The following DNAH6 variants were observed in gnomAD, a reference collection of about 807,000 sequenced individuals.
DNAH6 encodes the protein dynein axonemal heavy chain 6.
Under a neutral mutation model 491.4 loss-of-function variants are expected in DNAH6, and 340 were observed. That is an observed-to-expected ratio of 0.69 (90% CI 0.63 to 0.76). DNAH6 has a LOEUF of 0.76. Ranked by LOEUF, DNAH6 falls within the 30% of genes least tolerant of loss-of-function variation. DNAH6 has a pLI of 0.00. For missense variants in DNAH6, 4,443 were observed against 4,972.2 expected, an observed-to-expected ratio of 0.89 and a Z score of 3.20; for synonymous variants, 1,603 against 1,686.1, an observed-to-expected ratio of 0.95 and a Z score of 1.21.
Position 84,791,819 on chromosome 2 carries a change from G to A in DNAH6, c.11240-4487G>A, listed in dbSNP as rs149424334. On this transcript the variant is annotated intron_variant, in intron 68 of 76. Transcript: ENST00000389394. ...TATCCAGGTGACGATACTTGCTAAT[G>A]GCGAGTTTTTTTAGGCATTCATTTA... 5.6e-3 allele frequency among the ~76,000 whole-genome samples: 846 copies of A among 151,964 alleles called. 4 individuals are homozygous for A. The highest frequency in any genetic ancestry group is 9.7e-3 in the Non-Finnish European group (660 of 67,960).
intron 63 of DNAH6, among the ~76,000 whole-genome samples, chr2:84,745,869 C>G (rs1260535494): frequency 3.3e-5 from 5 of 151,960 alleles, no homozygotes; most frequent in African/African-American, 1.2e-4. Context: ...CAGATCTTGA[C>G]AACAATGGAG....
rs982838724 is a variant in DNAH6 at position 84,745,119 on chromosome 2, G to A, written c.10382G>A (p.Gly3461Asp). Residue 3461 changes from glycine (G) to aspartate (D), a missense_variant, in exon 63 of 77, where the codon GGC becomes GAC. Physicochemically the swap from Gly to Asp is moderately conservative, Grantham distance 94. Transcript: ENST00000389394. ...ETYINPQKWE[G>D]YSKMKHEDKH... Reference sequence around the variant, plus strand: ...TATATTAACCCACAGAAATGGGAAGGCTATTCTAAAATGAAACACGAAGAT... The same window carrying A: ...TATATTAACCCACAGAAATGGGAAGACTATTCTAAAATGAAACACGAAGAT... 1.4e-5 allele frequency: 21 copies of A among 1,541,836 alleles called. No individual in the cohort carries two copies. The East Asian group carries it at 3.2e-4, about 23-fold the overall frequency.
intron 56 of DNAH6, 53 bp from the exon 57 acceptor site, chr2:84,713,042 A>T: frequency 6.8e-7 from 1 of 1,471,322 alleles, no homozygotes; most frequent in Non-Finnish European, 9.2e-7. Context: ...AGTTCATGCT[A>T]TCCATTTTAA....
chr2:84,676,987 G>C lies in DNAH6; in HGVS notation c.6613-18G>C, dbSNP rs751029358. On this transcript the variant is annotated intron_variant, in intron 40 of 76. Transcript: ENST00000389394. ...TCATTCTCTGCTGAGTGATCCAAGT[G>C]GATTTCTCTGCACACAGGATGTAAC... The C allele has an allele frequency of 1.3e-6, 2 of 1,551,650 alleles. No homozygotes were observed. Among genetic ancestry groups the C allele is most frequent in the Middle Eastern group, 1.7e-4 (1 of 5,990 alleles).
chr2:84,712,984 G>A, intron 56 of DNAH6, 111 bp from the exon 57 acceptor site: 1 of 911,744 alleles, frequency 1.1e-6, no homozygotes, highest in East Asian at 2.6e-5. Context: ...CAGATCACTG[G>A]AAAATTATTC....
Position 84,703,462 on chromosome 2 carries a change from A to G in DNAH6, c.8129A>G (p.Lys2710Arg). Reference protein sequence around the residue: ...LETNILVDKMKLDLSALEPVL... With the variant: ...LETNILVDKMRLDLSALEPVL... Reference sequence around the variant, plus strand: ...ACAAACATACTAGTAGATAAAATGAAACTAGATCTTTCAGCTTTAGAGCCT... The same window carrying G: ...ACAAACATACTAGTAGATAAAATGAGACTAGATCTTTCAGCTTTAGAGCCT... The change falls in exon 50 of 77, where the codon AAA (lysine) becomes AGA (arginine). Residue 2710 changes from lysine to arginine, a missense_variant. By Grantham distance (26) the Lys-to-Arg change is conservative. Around this residue, in one of 3 missense-constraint regions of DNAH6, gnomAD observed 2,977 missense variants for 3,296.6 expected, o/e 0.90. Coordinates refer to ENST00000389394, the MANE Select transcript of DNAH6 (RefSeq NM_001370.2). The G allele has an allele frequency of 1.3e-6, 2 of 1,550,318 alleles. No individual in the cohort carries two copies. The highest frequency in any genetic ancestry group is 4.9e-5 in the East Asian group (2 of 40,912).
At chr2:84,524,654 C>G (rs545413902) in intron 2 of DNAH6, among the ~76,000 whole-genome samples, 2 of 152,136 alleles carry the variant, frequency 1.3e-5, no homozygotes, top group East Asian at 3.9e-4. Context: ...CCCTCAACAT[C>G]TGCATATTTG....
intron 72 of DNAH6, 46 bp downstream of exon 72, chr2:84,808,588 G>C (rs1679663146): frequency 1.3e-6 from 2 of 1,534,792 alleles, no homozygotes; most frequent in Admixed American, 2.0e-5. Flanking sequence ...TCAAAGCTTT[G>C]TAGAGAGTTG....
intron 62 of DNAH6, among the ~76,000 whole-genome samples, chr2:84,743,341 G>A (rs1006780574): frequency 5.4e-4 from 82 of 152,296 alleles, no homozygotes; most frequent in African/African-American, 1.9e-3. Context: ...TTCCAGAAAT[G>A]CTACAGACTT....
At chr2:84,531,355 T>A (rs1465706944) in intron 4 of DNAH6, among the ~76,000 whole-genome samples, 1,005 of 1,492 alleles carry the variant, frequency 0.67, 418 homozygotes, top group African/African-American at 0.84. Flanking sequence ...TTTTTTTTTA[T>A]TTTTTTTTTT....
intron 2 of DNAH6, among the ~76,000 whole-genome samples, chr2:84,521,941 G>A (rs1163090570): frequency 3.9e-5 from 6 of 152,194 alleles, no homozygotes; most frequent in Admixed American, 2.6e-4. Flanking sequence ...GCTTGGGATT[G>A]CCTTGGCTAT....
At chr2:84,633,263 C>T (rs1370949564) in intron 29 of DNAH6, among the ~76,000 whole-genome samples, 1 of 152,148 alleles carries the variant, frequency 6.6e-6, no homozygotes, top group Non-Finnish European at 1.5e-5. Flanking sequence ...TCTCTGCTTT[C>T]CTTATCTCCC....
the DNAH6 span, among the ~76,000 whole-genome samples, chr2:84,464,310 T>C: frequency 6.6e-6 from 1 of 152,198 alleles, no homozygotes; most frequent in Non-Finnish European, 1.5e-5. Context: ...ACCATTTAGC[T>C]GCATCTTGCC....
rs530286447 is a variant in DNAH6, at chr2:84,670,010, G to A, written c.6307-318G>A. Among the ~76,000 whole-genome samples the A allele has an allele frequency of 1.1e-4, 17 of 152,182 alleles. No homozygotes were observed. In the East Asian group the frequency reaches 1.2e-3, roughly 10 times the overall value. On this transcript the variant is annotated intron_variant, in intron 38 of 76. Coordinates refer to ENST00000389394, the MANE Select transcript of DNAH6 (RefSeq NM_001370.2). ...GAATCCACGTAAACAGGACTTCACCGTTTCCCCAAAAAAATATTCTAAAAG... is the reference window on the plus strand; with the variant it reads ...GAATCCACGTAAACAGGACTTCACCATTTCCCCAAAAAAATATTCTAAAAG...
chr2:84,525,623 G>T lies in DNAH6; in HGVS notation c.284G>T (p.Arg95Leu), dbSNP rs533477003. ...KQPEYIHEQN[R>L]FQLMTAGIIK... ...CCAGAATACATACATGAACAGAACC[G>T]ATTTCAGTTAATGACTGCAGGAATC... Residue 95 changes from arginine to leucine, a missense_variant, in exon 3 of 77, where the codon CGA becomes CTA. Physicochemically the swap from Arg to Leu is moderately radical, Grantham distance 102 (BLOSUM62 -2). Transcript: ENST00000389394. 17 of 1,550,202 alleles carry T rather than the reference G, an allele frequency of 1.1e-5. 1 individual carries two copies. The South Asian group carries it at 1.4e-4, about 13-fold the overall frequency.
Position 84,814,084 on chromosome 2 carries a change from A to G in DNAH6, c.12112A>G (p.Thr4038Ala). The change falls in exon 75 of 77, where the codon ACA becomes GCA. Residue 4038 changes from threonine (T) to alanine (A), a missense_variant. Transcript: ENST00000389394. The part of the protein sequence containing the change: ...DQAAVIEAAK[T>A]VQFGQELPMD... Reference sequence around the variant, plus strand: ...AGCTGCAGTGATAGAAGCTGCCAAGACAGTGCAATTTGGACAAGAACTGCC... The same window carrying G: ...AGCTGCAGTGATAGAAGCTGCCAAGGCAGTGCAATTTGGACAAGAACTGCC... The G allele has an allele frequency of 6.4e-7, 1 of 1,551,726 alleles. No individual in the cohort carries two copies. Among genetic ancestry groups the G allele is most frequent in the Non-Finnish European group, 8.7e-7 (1 of 1,146,976 alleles).
intron 41 of DNAH6, 144 bp downstream of exon 41, chr2:84,677,280 T>C: frequency 1.9e-6 from 2 of 1,032,654 alleles, no homozygotes; most frequent in South Asian, 3.3e-5. Context: ...AAATATGGAC[T>C]CCTGGAGAGT....
intron 33 of DNAH6, 36 bp from the exon 34 acceptor site, chr2:84,653,283 A>G (rs1372008891): frequency 2.1e-6 from 3 of 1,412,560 alleles, no homozygotes; most frequent in South Asian, 1.5e-5. Context: ...ATCAATGACC[A>G]GTTGTTCCTA....
chr2:84,681,541 A>G lies in DNAH6; in HGVS notation c.6916+13A>G. On this transcript the variant is annotated intron_variant, in intron 42 of 76. Coordinates refer to ENST00000389394, the MANE Select transcript of DNAH6 (RefSeq NM_001370.2). ...AAATGTGTGCAAGGTAGTGTACTGA[A>G]CCCTCGTTTTCTGATCTGCACCCTC... 1 of 1,501,116 alleles carries G rather than the reference A, an allele frequency of 6.7e-7. No individual in the cohort carries two copies. The highest frequency in any genetic ancestry group is 8.9e-7 in the Non-Finnish European group (1 of 1,121,922). 93.0% of individuals were successfully genotyped at this position (1,501,116 alleles called of 1,614,324 possible).
Sources: gnomAD v4.1 joint callset for allele counts (sites outside exome capture counted in the v4.1 genomes callset) on GRCh38, gnomAD v4.1.1 for gene constraint, gnomAD v4.1.1 regional missense constraint, MANE v1.5 for transcripts, NCBI Gene and HGNC (gene_info 2026-07-23, HGNC 2026-07-21) for gene names.